ANKRD36C: variants seen among roughly 807,000 people sequenced by gnomAD.
ANKRD36C encodes ankyrin repeat domain-containing protein 36C.
In ANKRD36C, 61 loss-of-function variants were observed where a neutral mutation model predicts 276.4. That is an observed-to-expected ratio of 0.22 (90% CI 0.18 to 0.27). The LOEUF (loss-of-function observed/expected upper bound fraction) is 0.27. ANKRD36C is among the 10% of genes least tolerant of loss of function. The probability of loss-of-function intolerance (pLI) is 1.00; values close to 1 mark genes in which losing one functional copy is unlikely to be tolerated. For missense variants in ANKRD36C, 1,447 were observed against 2,032.3 expected (o/e 0.71, Z 5.54); for synonymous variants, 483 against 680.1 (o/e 0.71, Z 4.51).
intron 8 of ANKRD36C, among the ~76,000 whole-genome samples, chr2:95,961,480 T>C (rs1292852338): frequency 6.6e-6 from 1 of 152,118 alleles, no homozygotes; most frequent in Non-Finnish European, 1.5e-5. Context: ...ATAACCACTT[T>C]AGGAGTCAAT....
At chr2:95,916,498 C>T (rs188331038) in intron 36 of ANKRD36C, among the ~76,000 whole-genome samples, 8 of 151,748 alleles carry the variant, frequency 5.3e-5, no homozygotes, top group East Asian at 3.9e-4. Context: ...AACTCATACA[C>T]GTGAGAATCA....
At chr2:95,990,574 C>G (rs1036485462) in intron 1 of ANKRD36C, among the ~76,000 whole-genome samples, 16 of 152,190 alleles carry the variant, frequency 1.1e-4, no homozygotes, top group Admixed American at 3.3e-4. Flanking sequence ...TAAAAGACAG[C>G]ATGAGTAATT....
chr2:95,871,659 C>T (rs1190534458), intron 59 of ANKRD36C, among the ~76,000 whole-genome samples: 1 of 151,868 alleles, frequency 6.6e-6, no homozygotes, highest in African/African-American at 2.4e-5. Context: ...CAATTTCAGA[C>T]ATAACAATAT....
intron 6 of ANKRD36C, among the ~76,000 whole-genome samples, chr2:95,969,697 A>G (rs903672663): frequency 5.3e-5 from 8 of 152,144 alleles, no homozygotes; most frequent in African/African-American, 1.9e-4. Context: ...GTAGCCTAAG[A>G]CTACATGGCA....
At chr2:95,972,748 T>C (rs1678723743) in intron 6 of ANKRD36C, among the ~76,000 whole-genome samples, 1 of 152,226 alleles carries the variant, frequency 6.6e-6, no homozygotes, top group Non-Finnish European at 1.5e-5. Flanking sequence ...GATTCCTGTA[T>C]TTCCGCATGA....
chr2:95,956,763 T>C (rs1048123802), intron 13 of ANKRD36C, 23 bp downstream of exon 13: 14 of 1,531,968 alleles, frequency 9.1e-6, no homozygotes, highest in Non-Finnish European at 1.1e-5. Context: ...ACATATCACT[T>C]TAAAAAATCT....
At chr2:95,965,566 G>C (rs1410940493) in intron 6 of ANKRD36C, among the ~76,000 whole-genome samples, 1 of 152,142 alleles carries the variant, frequency 6.6e-6, no homozygotes, top group African/African-American at 2.4e-5. Context: ...AGCTATGCTT[G>C]CTAGGATTTC....
intron 42 of ANKRD36C, among the ~76,000 whole-genome samples, 186 bp downstream of exon 44, chr2:95,912,058 T>A (rs565387619): frequency 6.6e-6 from 1 of 151,526 alleles, no homozygotes; most frequent in Non-Finnish European, 1.5e-5. Flanking sequence ...ATGTGTATAA[T>A]CTTACAGTGA....
rs539016021 is a variant in ANKRD36C at position 95,987,250 on chromosome 2, T to C, written c.198-44A>G. 56 of 1,499,432 alleles carry C rather than the reference T, an allele frequency of 3.7e-5. No individual in the cohort carries two copies. The African/African-American group carries it at 7.5e-4, about 20-fold the overall frequency. 92.9% of individuals were successfully genotyped at this position (1,499,432 alleles called of 1,614,324 possible). A position where few individuals can be genotyped will look rare whatever the true frequency, so the allele number is the denominator to read the frequency against. On this transcript the variant is annotated intron_variant, in intron 1 of 66. Coordinates refer to ENST00000456556, the Ensembl canonical transcript of ANKRD36C. ...TTTTTAAAACATGTAACTGTAAGCA[T>C]TAATTAGCATGTTATTTCTCTGTCT...
intron 56 of ANKRD36C, among the ~76,000 whole-genome samples, chr2:95,880,912 G>A (rs1416896494): frequency 6.6e-6 from 1 of 152,198 alleles, no homozygotes; most frequent in Non-Finnish European, 1.5e-5. Context: ...TTAACAAGGA[G>A]AAATGTGATC....
At chr2:95,891,600 T>C (rs1202078656) in intron 46 of ANKRD36C, 65 bp downstream of exon 66, 3 of 1,510,714 alleles carry the variant, frequency 2.0e-6, no homozygotes, top group Non-Finnish European at 2.7e-6. Context: ...CGCTGATTTA[T>C]TCAGGGAAGA....
At chr2:95,852,126 T>G in exon 65 of ANKRD36C, 1 of 1,607,714 alleles carries the variant, frequency 6.2e-7, no homozygotes, top group Non-Finnish European at 8.5e-7. Context: ...CAAATTTTAC[T>G]TTTGTGCGTC....
At chr2:95,859,303 A>G (rs1156528738) in intron 61 of ANKRD36C, among the ~76,000 whole-genome samples, 4 of 152,144 alleles carry the variant, frequency 2.6e-5, no homozygotes, top group Admixed American at 6.5e-5. Flanking sequence ...AAGTGCTGGG[A>G]TTACAGTCAT....
Position 95,910,369 on chromosome 2 carries a change from T to G in ANKRD36C, c.2653+1875A>C. 1.3e-6 allele frequency: 2 copies of G among 1,536,234 alleles called. No homozygotes were observed. Among genetic ancestry groups the G allele is most frequent in the Non-Finnish European group, 1.8e-6 (2 of 1,141,598 alleles). On this transcript the variant is annotated intron_variant, in intron 42 of 66. Coordinates refer to ENST00000456556, the Ensembl canonical transcript of ANKRD36C. ...CACGACATTAAATCTGTTTTCAAAA[T>G]TACCTGTCCTAGATTTTTCTCCATC...
chr2:95,866,822 C>G (rs1675691322), intron 60 of ANKRD36C, among the ~76,000 whole-genome samples: 1 of 152,088 alleles, frequency 6.6e-6, no homozygotes, highest in Non-Finnish European at 1.5e-5. Flanking sequence ...GTGTATACAT[C>G]TGTTAAAACT....
At chr2:95,878,133 G>T (rs1217873430) in intron 58 of ANKRD36C, among the ~76,000 whole-genome samples, 1 of 148,032 alleles carries the variant, frequency 6.8e-6, no homozygotes, top group South Asian at 2.2e-4. Flanking sequence ...GCAGTGAGCC[G>T]AGATTGTGCC....
intron 59 of ANKRD36C, among the ~76,000 whole-genome samples, chr2:95,874,474 A>G (rs531717623): frequency 6.6e-5 from 10 of 152,370 alleles, no homozygotes; most frequent in Admixed American, 2.0e-4. Context: ...CTGGCTAGCC[A>G]TATGTAGAAA....
At chr2:95,862,003 A>G (rs1200406371) in intron 60 of ANKRD36C, among the ~76,000 whole-genome samples, 1 of 152,138 alleles carries the variant, frequency 6.6e-6, no homozygotes, top group Non-Finnish European at 1.5e-5. Flanking sequence ...AACAAAGGTC[A>G]TGTCACAATT....
intron 38 of ANKRD36C, 108 bp from the exon 41 acceptor site, chr2:95,914,411 T>A: frequency 1.5e-6 from 2 of 1,372,816 alleles, no homozygotes; most frequent in African/African-American, 1.4e-5. Flanking sequence ...TGTATTAGCG[T>A]AGTCTTTGAT....
Sources: allele counts gnomAD v4.1 joint callset (sites outside exome capture counted in the v4.1 genomes callset), GRCh38; gene constraint gnomAD v4.1.1; transcripts MANE v1.5; gene names NCBI Gene and HGNC (gene_info 2026-07-23, HGNC 2026-07-21).